BMP2K: variants seen among roughly 807,000 people sequenced by gnomAD.
BMP2K encodes BMP-2-inducible protein kinase.
A neutral mutation model predicts 116.0 loss-of-function variants in BMP2K; 74 were observed. The ratio of observed to expected loss-of-function variants is 0.64; its 90% confidence interval spans 0.53 to 0.77. The LOEUF (loss-of-function observed/expected upper bound fraction) is 0.77, where lower values mean the gene tolerates loss of function less well. Ranked by LOEUF, BMP2K falls within the 30% of genes least tolerant of loss-of-function variation. The probability of loss-of-function intolerance (pLI) is 0.00; values close to 1 mark genes in which losing one functional copy is unlikely to be tolerated. For synonymous variants in BMP2K, 486 were observed against 502.5 expected (o/e 0.97, Z 0.44); for missense variants, 1,365 against 1,403.6 (o/e 0.97, Z 0.44).
At chr4:78,831,738 G>C (rs971455244) in intron 2 of BMP2K, among the ~76,000 whole-genome samples, 8 of 152,190 alleles carry the variant, frequency 5.3e-5, no homozygotes, top group African/African-American at 1.7e-4. Flanking sequence ...TAATAGGCCA[G>C]TAAAAACTTC....
intron 1 of BMP2K, among the ~76,000 whole-genome samples, chr4:78,780,920 T>C (rs962945850): frequency 2.6e-5 from 4 of 152,162 alleles, no homozygotes; most frequent in African/African-American, 9.7e-5. Flanking sequence ...GGAAGGCCTT[T>C]TTGATCTTTT....
At chr4:78,818,095 A>G (rs17003455) in intron 1 of BMP2K, among the ~76,000 whole-genome samples, 7,520 of 152,238 alleles carry the variant, frequency 0.049, 592 homozygotes, top group African/African-American at 0.17. Context: ...AAGCCAAAAC[A>G]TAGAGGTGAA....
chr4:78,846,214 A>G (rs1730991740), intron 5 of BMP2K, among the ~76,000 whole-genome samples: 1 of 151,646 alleles, frequency 6.6e-6, no homozygotes, highest in African/African-American at 2.4e-5. Context: ...TTTGTGGCTC[A>G]ATTAATGGAC....
intron 1 of BMP2K, among the ~76,000 whole-genome samples, chr4:78,797,294 C>T (rs72659096): frequency 0.078 from 11,937 of 152,072 alleles, 568 homozygotes; most frequent in Middle Eastern, 0.13. Context: ...TAGCCAGTCT[C>T]CTAAAAGAAA....
chr4:78,838,065 A>T (rs1262135798), intron 3 of BMP2K, among the ~76,000 whole-genome samples: 1 of 152,250 alleles, frequency 6.6e-6, no homozygotes, highest in African/African-American at 2.4e-5. Flanking sequence ...TTACAGTTCC[A>T]TGTGGCTGGG....
At chr4:78,787,461 C>T (rs947324002) in intron 1 of BMP2K, among the ~76,000 whole-genome samples, 4 of 152,086 alleles carry the variant, frequency 2.6e-5, no homozygotes, top group Non-Finnish European at 5.9e-5. Context: ...GCCTGAATTC[C>T]CTTGAGCCAC....
chr4:78,835,614 C>T (rs1447860181), intron 3 of BMP2K, among the ~76,000 whole-genome samples: 1 of 131,874 alleles, frequency 7.6e-6, no homozygotes, highest in Non-Finnish European at 1.5e-5. Context: ...GGGCACATAG[C>T]GAGACTCCGT....
rs146382322 is a variant in BMP2K, at chr4:78,865,644, T to G, written c.1155T>G (p.Ser385Arg). 6.2e-7 allele frequency: 1 copy of G among 1,614,148 alleles called. No individual in the cohort carries two copies. The highest frequency in any genetic ancestry group is 8.5e-7 in the Non-Finnish European group (1 of 1,180,002). ...KANSATTATP[S>R]VLTIQSSATP... ...ACTCTGCTACTACTGCCACTCCCAGTGTGCTGACCATTCAAAGTTCAGCAA... is the reference window on the plus strand; with the variant it reads ...ACTCTGCTACTACTGCCACTCCCAGGGTGCTGACCATTCAAAGTTCAGCAA... Residue 385 changes from serine to arginine, a missense_variant, in exon 10 of 16, where the codon AGT becomes AGG. Physicochemically the swap from Ser to Arg is moderately radical, Grantham distance 110. Transcript: ENST00000502613.
intron 1 of BMP2K, among the ~76,000 whole-genome samples, chr4:78,804,349 G>C (rs957728937): frequency 6.6e-6 from 1 of 152,074 alleles, no homozygotes; most frequent in South Asian, 2.1e-4. Flanking sequence ...TTATTAATCA[G>C]TTAGTGGACA....
chr4:78,778,003 A>T (rs1727329166), intron 1 of BMP2K, among the ~76,000 whole-genome samples: 1 of 152,252 alleles, frequency 6.6e-6, no homozygotes, highest in African/African-American at 2.4e-5. Context: ...TCTTTATAAA[A>T]GATTTACTAT....
At chr4:78,894,972 C>T (rs1041237528) in intron 15 of BMP2K, among the ~76,000 whole-genome samples, 33 of 152,128 alleles carry the variant, frequency 2.2e-4, no homozygotes, top group African/African-American at 7.5e-4. Context: ...GTAGATCAGT[C>T]AGAACACATA....
In BMP2K at chr4:78,912,005, G is replaced by A; in HGVS notation, c.3458G>A (p.Gly1153Asp). Reference protein sequence around the residue: ...QSQPVELDPFGAAPFPSKQ With the variant: ...QSQPVELDPFDAAPFPSKQ ...CAACCAGTCGAATTAGACCCATTTG[G>A]TGCTGCTCCATTTCCTTCTAAACAG... The change falls in exon 16 of 16, where the codon GGT becomes GAT. Residue 1153 changes from glycine (G) to aspartate (D), a missense_variant. By Grantham distance (94) the Gly-to-Asp change is moderately conservative. This residue lies in a region of BMP2K where 596 missense variants were observed against 623.2 expected (regional missense o/e 0.96). Transcript: ENST00000502613. 6.2e-7 allele frequency: 1 copy of A among 1,612,692 alleles called. No homozygotes were observed. The highest frequency in any genetic ancestry group is 8.5e-7 in the Non-Finnish European group (1 of 1,179,126).
intron 7 of BMP2K, among the ~76,000 whole-genome samples, chr4:78,851,425 T>C (rs868092867): frequency 1.4e-4 from 22 of 152,068 alleles, no homozygotes; most frequent in African/African-American, 5.1e-4. Flanking sequence ...TTTTTATATA[T>C]CTACAAGGCA....
In BMP2K at chr4:78,871,009, GCACCACCAC is replaced by G. The variant is rs749728323; in HGVS notation, c.1475_1483del (p.His492_His494del). The stretch of plus-strand genomic sequence containing the variant: ...AGCAGCAGCAGCAGCAGCAGCAGCA[GCACCACCAC>G]CACCACCACCACCACCTACTTCAAG... On this transcript the variant is annotated inframe_deletion, in exon 11 of 16. Coordinates refer to ENST00000502613, the MANE Select transcript of BMP2K (RefSeq NM_198892.2). 9.0e-6 allele frequency: 14 copies of G among 1,563,324 alleles called. No individual in the cohort carries two copies. In the Admixed American group the frequency reaches 1.0e-4, roughly 12 times the overall value.
At chr4:78,845,316 G>A in intron 5 of BMP2K, among the ~76,000 whole-genome samples, 1 of 151,482 alleles carries the variant, frequency 6.6e-6, no homozygotes, top group East Asian at 1.9e-4. Flanking sequence ...TTGTTAAAGG[G>A]AGTTTGAAAT....
At chr4:78,819,594 TA>T (rs376113680) in intron 1 of BMP2K, among the ~76,000 whole-genome samples, 22 of 152,298 alleles carry the variant, frequency 1.4e-4, no homozygotes, top group African/African-American at 4.8e-4. Context: ...CTGCTGAATG[TA>T]TAAGGAAACT....
At chr4:78,783,632 C>A (rs1202282857) in intron 1 of BMP2K, among the ~76,000 whole-genome samples, 1 of 151,994 alleles carries the variant, frequency 6.6e-6, no homozygotes, top group Non-Finnish European at 1.5e-5. Context: ...AGGGTGAAAC[C>A]CCATCTCTAC....
At chr4:78,799,643 T>C (rs1161703594) in intron 1 of BMP2K, among the ~76,000 whole-genome samples, 3 of 152,232 alleles carry the variant, frequency 2.0e-5, no homozygotes, top group Non-Finnish European at 4.4e-5. Flanking sequence ...GTATCAAAAG[T>C]ACGTAAGATG....
intron 1 of BMP2K, among the ~76,000 whole-genome samples, chr4:78,823,861 T>G (rs1729752558): frequency 6.6e-6 from 1 of 152,172 alleles, no homozygotes; most frequent in Non-Finnish European, 1.5e-5. Context: ...ATGATTTCTC[T>G]CAGCTGTACT....
Sources: gnomAD v4.1 joint callset for allele counts (sites outside exome capture counted in the v4.1 genomes callset) on GRCh38, gnomAD v4.1.1 for gene constraint, gnomAD v4.1.1 regional missense constraint, MANE v1.5 for transcripts, NCBI Gene and HGNC (gene_info 2026-07-23, HGNC 2026-07-21) for gene names.